The following DLC1 variants were observed in gnomAD, a reference collection of about 807,000 sequenced individuals.
DLC1 encodes DLC1 Rho GTPase activating protein.
In DLC1, 54 loss-of-function variants were observed where a neutral mutation model predicts 140.3. The observed-to-expected ratio is 0.38, with a 90% CI of 0.31 to 0.48. The LOEUF (loss-of-function observed/expected upper bound fraction) is 0.48. Ranked by LOEUF, DLC1 falls within the 20% of genes least tolerant of loss-of-function variation. DLC1 has a pLI of 0.96. For synonymous variants in DLC1, 986 were observed against 728.1 expected (o/e 1.35, Z -5.70); for missense variants, 2,536 against 1,907.0 (o/e 1.33, Z -6.14).
At chr8:13,458,953 C>A (rs1288715200) in intron 2 of DLC1, among the ~76,000 whole-genome samples, 1 of 151,374 alleles carries the variant, frequency 6.6e-6, no homozygotes, top group Admixed American at 6.6e-5. Flanking sequence ...ATATAAACAG[C>A]ATTTTTTGTA....
chr8:13,385,764 A>G (rs1836495939), intron 4 of DLC1, among the ~76,000 whole-genome samples: 2 of 152,240 alleles, frequency 1.3e-5, no homozygotes, highest in Non-Finnish European at 2.9e-5. Context: ...GTATATTCAC[A>G]TGAAATCCTT....
intron 5 of DLC1, among the ~76,000 whole-genome samples, chr8:13,268,530 G>A (rs1184820247): frequency 6.6e-6 from 1 of 152,118 alleles, no homozygotes; most frequent in Non-Finnish European, 1.5e-5. Flanking sequence ...GGCTACAGGT[G>A]CATGCCACCG....
intron 5 of DLC1, among the ~76,000 whole-genome samples, chr8:13,247,086 A>G (rs1229140915): frequency 6.6e-6 from 1 of 152,218 alleles, no homozygotes; most frequent in African/African-American, 2.4e-5. Flanking sequence ...GCCCAGAAAG[A>G]AATAAGCTGC....
intron 6 of DLC1, among the ~76,000 whole-genome samples, chr8:13,111,347 T>C (rs568958571): frequency 1.4e-4 from 22 of 152,294 alleles, no homozygotes; most frequent in Non-Finnish European, 2.8e-4. Context: ...AAGATATGCT[T>C]TTTAAAAACA....
intron 4 of DLC1, among the ~76,000 whole-genome samples, chr8:13,362,546 C>A (rs954809216): frequency 6.6e-6 from 1 of 151,674 alleles, no homozygotes; most frequent in African/African-American, 2.4e-5. Context: ...CACTCCTGAA[C>A]GTGGACATCT....
intron 1 of DLC1, among the ~76,000 whole-genome samples, chr8:13,590,702 TG>T (rs1418600400): frequency 3.9e-5 from 6 of 152,116 alleles, no homozygotes; most frequent in African/African-American, 1.4e-4. Context: ...AGTTTATATT[TG>T]TTTTCTCTAT....
At position 13,390,288 on chromosome 8, in the gene DLC1, G is replaced by A. The variant is rs186092349; in HGVS notation, c.1314+3265C>T. Among the ~76,000 whole-genome samples the A allele has an allele frequency of 3.1e-3, 474 of 152,276 alleles. 1 individual carries two copies. The highest frequency in any genetic ancestry group is 0.011 in the African/African-American group (442 of 41,546). On this transcript the variant is annotated intron_variant, in intron 4 of 17. Coordinates refer to ENST00000276297, the MANE Select transcript of DLC1 (RefSeq NM_182643.3). The stretch of plus-strand genomic sequence containing the variant: ...TAGCTTCATGCATGCCCCTGCAAAG[G>A]ACATGGTCTCATTCCTTTTTATGGC...
chr8:13,281,281 T>C (rs1171961628), intron 5 of DLC1, among the ~76,000 whole-genome samples: 6 of 152,234 alleles, frequency 3.9e-5, no homozygotes, highest in Non-Finnish European at 5.9e-5. Context: ...AGAATCTTCT[T>C]TGTGATAAAC....
chr8:13,400,468 A>T (rs946754695), intron 3 of DLC1, among the ~76,000 whole-genome samples: 2 of 152,192 alleles, frequency 1.3e-5, no homozygotes, highest in Admixed American at 6.5e-5. Flanking sequence ...TCATAATGTT[A>T]TTCCACTGTA....
chr8:13,469,767 C>T (rs1456902924), intron 2 of DLC1, among the ~76,000 whole-genome samples: 2 of 152,134 alleles, frequency 1.3e-5, no homozygotes, highest in African/African-American at 4.8e-5. Context: ...ATAGTTGTTA[C>T]AATGCCTTTC....
intron 1 of DLC1, among the ~76,000 whole-genome samples, chr8:13,592,993 G>A (rs1447293493): frequency 6.6e-6 from 1 of 151,962 alleles, no homozygotes; most frequent in Non-Finnish European, 1.5e-5. Context: ...AAGCCTAAGT[G>A]CAATTTCTCT....
intron 4 of DLC1, among the ~76,000 whole-genome samples, chr8:13,351,861 T>G (rs188018413): frequency 6.6e-6 from 1 of 151,600 alleles, no homozygotes; most frequent in Non-Finnish European, 1.5e-5. Context: ...ATTTGATTTT[T>G]TTAAATGAAA....
intron 2 of DLC1, among the ~76,000 whole-genome samples, chr8:13,423,124 T>C (rs1838392210): frequency 6.6e-6 from 1 of 152,192 alleles, no homozygotes; most frequent in Non-Finnish European, 1.5e-5. Flanking sequence ...CTGAATTGAA[T>C]TGATTTTTGC....
At chr8:13,262,012 T>C (rs78569713) in intron 5 of DLC1, among the ~76,000 whole-genome samples, 1 of 152,328 alleles carries the variant, frequency 6.6e-6, no homozygotes, top group East Asian at 1.9e-4. Flanking sequence ...TCTCACCTTC[T>C]TTCTGAGTCT....
chr8:13,514,180 A>C (rs143562111), intron 1 of DLC1, among the ~76,000 whole-genome samples: 2 of 152,150 alleles, frequency 1.3e-5, no homozygotes, highest in Non-Finnish European at 2.9e-5. Context: ...ATTATTAAGC[A>C]CAAGTCACTC....
At chr8:13,540,412 T>A (rs1322713926) in intron 1 of DLC1, among the ~76,000 whole-genome samples, 1 of 152,232 alleles carries the variant, frequency 6.6e-6, no homozygotes, top group Non-Finnish European at 1.5e-5. Flanking sequence ...TTTGTGGTCT[T>A]TATGAAATTC....
chr8:13,271,296 T>A (rs970455564), intron 5 of DLC1, among the ~76,000 whole-genome samples: 1 of 152,198 alleles, frequency 6.6e-6, no homozygotes, highest in African/African-American at 2.4e-5. Context: ...AGGCATTACA[T>A]ATGCCCTTAC....
chr8:13,144,729 C>G (rs566591005), intron 5 of DLC1, among the ~76,000 whole-genome samples: 1 of 152,184 alleles, frequency 6.6e-6, no homozygotes, highest in African/African-American at 2.4e-5. Context: ...TGCACCACTG[C>G]ACTCCAGCCT....
intron 2 of DLC1, among the ~76,000 whole-genome samples, chr8:13,423,176 A>G (rs748513840): frequency 1.4e-4 from 21 of 152,008 alleles, no homozygotes; most frequent in African/African-American, 4.6e-4. Flanking sequence ...ATGTCTTTCT[A>G]TTTTTCTCTT....
Sources: gnomAD v4.1 joint callset for allele counts (sites outside exome capture counted in the v4.1 genomes callset) on GRCh38, gnomAD v4.1.1 for gene constraint, MANE v1.5 for transcripts, NCBI Gene and HGNC (gene_info 2026-07-23, HGNC 2026-07-21) for gene names.